The following ZFYVE28 variants were observed in gnomAD, a reference collection of about 807,000 sequenced individuals.
ZFYVE28 encodes the protein zinc finger FYVE-type containing 28, also known as lateral signaling target protein 2 homolog.
A neutral mutation model predicts 82.1 loss-of-function variants in ZFYVE28; 40 were observed. That is an observed-to-expected ratio of 0.49 (90% CI 0.38 to 0.63). The LOEUF (loss-of-function observed/expected upper bound fraction) is 0.63. ZFYVE28 is among the 30% of genes least tolerant of loss of function. ZFYVE28 has a pLI of 0.00. For missense variants in ZFYVE28, 1,321 were observed against 1,242.1 expected, an observed-to-expected ratio of 1.06 and a Z score of -0.96; for synonymous variants, 612 against 546.1, an observed-to-expected ratio of 1.12 and a Z score of -1.68.
At chr4:2,285,230 C>A (rs1269653216) in intron 8 of ZFYVE28, 2 of 152,338 alleles carry the variant, frequency 1.3e-5, no homozygotes, top group African/African-American at 2.4e-5. Context: ...GAAGGCAGCC[C>A]AGGACAGATT....
intron 7 of ZFYVE28, among the ~76,000 whole-genome samples, chr4:2,305,947 G>A (rs1716505789): frequency 6.6e-6 from 1 of 152,260 alleles, no homozygotes; most frequent in Admixed American, 6.5e-5. Context: ...CTATGCAGCA[G>A]GAGCTGGGTA....
intron 1 of ZFYVE28, among the ~76,000 whole-genome samples, chr4:2,360,865 G>C (rs1391449838): frequency 6.6e-6 from 1 of 152,188 alleles, no homozygotes; most frequent in Admixed American, 6.5e-5. Flanking sequence ...ATGGGGAGGG[G>C]CGGTTAATGT....
In ZFYVE28 at chr4:2,320,438, A is replaced by G. The variant is rs1431067147; in HGVS notation, c.702-167T>C. On this transcript the variant is annotated intron_variant, in intron 6 of 12. Coordinates refer to ENST00000290974, the MANE Select transcript of ZFYVE28 (RefSeq NM_020972.3). This position sits in a 1 kb window ranked among gnomAD's most constrained non-coding sequence, Gnocchi z 5.1. ...TTTGCCTTGTGTGATTGCATTGTAA[A>G]TAAGTTTAGAAAAAAGCAGTGAGAA... 6.6e-6 allele frequency among the ~76,000 whole-genome samples: 1 copy of G among 152,208 alleles called. No individual in the cohort carries two copies. The highest frequency in any genetic ancestry group is 1.5e-5 in the Non-Finnish European group (1 of 68,036).
chr4:2,367,212 T>C (rs532563734), intron 1 of ZFYVE28, among the ~76,000 whole-genome samples: 1 of 152,368 alleles, frequency 6.6e-6, no homozygotes, highest in South Asian at 2.1e-4. Context: ...CAGCTGGGCA[T>C]TTAAACTGCC....
In ZFYVE28 at chr4:2,320,377, C is replaced by T. The variant is rs1718907814; in HGVS notation, c.702-106G>A. 2 of 894,074 alleles carry T rather than the reference C, an allele frequency of 2.2e-6. No homozygotes were observed. The highest frequency in any genetic ancestry group is 3.5e-6 in the Non-Finnish European group (2 of 573,314). The allele number at this position is 894,074 out of a possible 1,614,324, so 55.4% of individuals were successfully genotyped here. ...GAAAACCACGCCCGCTGGGACTCTG[C>T]AGCGCCACTGTCCCAGCACGGCCGC... is the stretch of plus-strand genomic sequence containing the variant. On this transcript the variant is annotated intron_variant, in intron 6 of 12. Transcript: ENST00000290974. This position sits in a 1 kb window ranked among gnomAD's most constrained non-coding sequence, Gnocchi z 5.1.
chr4:2,273,951 G>A (rs1736155193), intron 9 of ZFYVE28, 111 bp downstream of exon 9: 4 of 1,269,686 alleles, frequency 3.2e-6, no homozygotes, highest in Admixed American at 2.0e-5. Flanking sequence ...AGAGTGGGCT[G>A]CTGTTTACAG....
Position 2,330,990 on chromosome 4 carries a change from T to C in ZFYVE28, c.701+4715A>G, listed in dbSNP as rs776471865. On this transcript the variant is annotated intron_variant, in intron 6 of 12. Coordinates refer to ENST00000290974, the MANE Select transcript of ZFYVE28 (RefSeq NM_020972.3). ...CCTGAAGAGGATCCGGCAACCATCC[T>C]GCAGGCCACGTGGGCGGTGGCTCCT... 32 of 1,533,436 alleles carry C rather than the reference T, an allele frequency of 2.1e-5. No individual in the cohort carries two copies. In the African/African-American group the frequency reaches 3.3e-4, roughly 16 times the overall value. 95.0% of individuals were successfully genotyped at this position (1,533,436 alleles called of 1,614,324 possible).
intron 5 of ZFYVE28, among the ~76,000 whole-genome samples, chr4:2,337,025 GACATGAGGAGTGAGTA>G (rs1721917796): frequency 7.0e-6 from 1 of 142,214 alleles, no homozygotes; most frequent in Admixed American, 7.4e-5. Context: ...GAGGAGTGAG[GACATGAGGAGTGAGTA>G]GGTGAGGAGT....
At chr4:2,340,429 G>A (rs1015095611) in intron 3 of ZFYVE28, among the ~76,000 whole-genome samples, 2 of 152,028 alleles carry the variant, frequency 1.3e-5, no homozygotes, top group Admixed American at 6.5e-5. Context: ...TCTAGAGGCC[G>A]GGGCCTCGCC....
rs1299697642 is a variant in ZFYVE28, at chr4:2,327,268, ATATAT to A, written c.702-7002_702-6998del. On this transcript the variant is annotated intron_variant, in intron 6 of 12. Transcript: ENST00000290974. ...CCATCTCAAATATATATATATATAT[ATATAT>A]ATATATATATATATATATATATATA... Among the ~76,000 whole-genome samples the A allele has an allele frequency of 5.8e-4, 13 of 22,374 alleles. 1 individual carries two copies. Among genetic ancestry groups the A allele is most frequent in the African/African-American group, 2.2e-3 (12 of 5,510 alleles). The allele number at this position is 22,374 out of a possible 152,430, so 14.7% of individuals were successfully genotyped here. A position where few individuals can be genotyped will look rare whatever the true frequency, so the allele number is the denominator to read the frequency against.
intron 1 of ZFYVE28, among the ~76,000 whole-genome samples, chr4:2,356,695 C>T (rs1396693906): frequency 1.3e-5 from 2 of 152,200 alleles, no homozygotes; most frequent in Admixed American, 1.3e-4. Context: ...AGGCAGGAGA[C>T]ACTCTTAACC....
At chr4:2,322,366 C>T (rs1010864225) in intron 6 of ZFYVE28, among the ~76,000 whole-genome samples, 2 of 152,190 alleles carry the variant, frequency 1.3e-5, no homozygotes, top group Admixed American at 6.5e-5. Context: ...CCCATGGCTA[C>T]AGCCCGACAG....
intron 8 of ZFYVE28, among the ~76,000 whole-genome samples, chr4:2,275,397 TC>T (rs1736326857): frequency 6.6e-6 from 1 of 152,250 alleles, no homozygotes; most frequent in Admixed American, 6.5e-5. Context: ...CTGGGAAATT[TC>T]CCCCAACTCG....
chr4:2,370,352 G>C (rs553211714), intron 1 of ZFYVE28, among the ~76,000 whole-genome samples: 1 of 152,032 alleles, frequency 6.6e-6, no homozygotes, highest in Non-Finnish European at 1.5e-5. Flanking sequence ...ACCATCACTC[G>C]GCCTGAGCCC....
At chr4:2,308,727 AAAG>A (rs1194466535) in intron 7 of ZFYVE28, among the ~76,000 whole-genome samples, 7 of 151,576 alleles carry the variant, frequency 4.6e-5, no homozygotes, top group South Asian at 2.1e-4. Flanking sequence ...AAGAAAGAAA[AAAG>A]AAAAGAAAGG....
intron 1 of ZFYVE28, among the ~76,000 whole-genome samples, chr4:2,361,999 A>T (rs1033258784): frequency 1.8e-4 from 28 of 152,208 alleles, no homozygotes; most frequent in African/African-American, 6.3e-4. Flanking sequence ...ACGGAAGCCC[A>T]GTCCAGCTCC....
At chr4:2,361,026 A>G (rs879696142) in intron 1 of ZFYVE28, among the ~76,000 whole-genome samples, 14 of 152,232 alleles carry the variant, frequency 9.2e-5, no homozygotes, top group Non-Finnish European at 1.5e-4. Context: ...GGAAGTACTC[A>G]CTTGTTAAAA....
chr4:2,399,815 C>G (rs3128784), intron 1 of ZFYVE28, among the ~76,000 whole-genome samples: 1 of 151,848 alleles, frequency 6.6e-6, no homozygotes, highest in South Asian at 2.1e-4. Flanking sequence ...TGGACCCAAA[C>G]GCTGCCGGAC....
intron 7 of ZFYVE28, among the ~76,000 whole-genome samples, chr4:2,318,216 C>T (rs112496815): frequency 3.5e-4 from 54 of 152,320 alleles, no homozygotes; most frequent in African/African-American, 1.2e-3. Context: ...CTTCCCCAGG[C>T]TCTTAGTTCA....
Sources: allele counts gnomAD v4.1 joint callset (sites outside exome capture counted in the v4.1 genomes callset), GRCh38; gene constraint gnomAD v4.1.1; non-coding constraint Gnocchi (gnomAD v3.1); transcripts MANE v1.5; gene names NCBI Gene and HGNC (gene_info 2026-07-23, HGNC 2026-07-21).